Variants in XRN1 observed in about 807,000 individuals in gnomAD.
XRN1 encodes strand-exchange protein 1 homolog.
In XRN1, 67 loss-of-function variants were observed where a neutral mutation model predicts 222.3. The observed-to-expected ratio is 0.30, with a 90% CI of 0.25 to 0.37. The LOEUF (loss-of-function observed/expected upper bound fraction) is 0.37. XRN1 is among the 10% of genes least tolerant of loss of function. XRN1 has a pLI of 1.00. For missense variants in XRN1, 1,707 were observed against 2,000.2 expected (o/e 0.85, Z 2.80); for synonymous variants, 643 against 652.4 (o/e 0.99, Z 0.22).
At chr3:142,378,595 C>T (rs941515341) in intron 23 of XRN1, among the ~76,000 whole-genome samples, 55 of 151,782 alleles carry the variant, frequency 3.6e-4, no homozygotes, top group African/African-American at 1.3e-3. Context: ...AGAAGTATAA[C>T]AATATAGGAA....
chr3:142,326,814 G>C (rs1298975009), intron 37 of XRN1, among the ~76,000 whole-genome samples: 3 of 152,068 alleles, frequency 2.0e-5, no homozygotes, highest in African/African-American at 7.2e-5. Flanking sequence ...CCAGTTTGTT[G>C]AGAGCTGTTA....
At chr3:142,381,015 C>CA (rs10709053) in intron 22 of XRN1, among the ~76,000 whole-genome samples, 30 of 139,984 alleles carry the variant, frequency 2.1e-4, no homozygotes, top group South Asian at 6.8e-4. Context: ...CAAAAAGTTG[C>CA]AAAAAAAAAA....
At chr3:142,387,009 T>C (rs2067528931) in intron 20 of XRN1, among the ~76,000 whole-genome samples, 4 of 151,990 alleles carry the variant, frequency 2.6e-5, no homozygotes, top group Admixed American at 1.3e-4. Context: ...TGCATAGACA[T>C]ATACCCAAAA....
intron 2 of XRN1, among the ~76,000 whole-genome samples, chr3:142,431,947 TA>T (rs2069602878): frequency 1.3e-4 from 11 of 84,422 alleles, no homozygotes; most frequent in Admixed American, 3.7e-4. Context: ...ATATATTATA[TA>T]ATATATTATA....
chr3:142,443,703 A>G (rs537948696), intron 1 of XRN1, among the ~76,000 whole-genome samples: 1 of 152,260 alleles, frequency 6.6e-6, no homozygotes, highest in Non-Finnish European at 1.5e-5. Flanking sequence ...CTACCATATG[A>G]TCCCAGCAAC....
intron 20 of XRN1, among the ~76,000 whole-genome samples, chr3:142,394,426 A>G (rs1249863343): frequency 6.6e-6 from 1 of 152,170 alleles, no homozygotes; most frequent in Non-Finnish European, 1.5e-5. Flanking sequence ...ATTCTACCAC[A>G]TTTTCCTGAT....
chr3:142,359,960 A>T, intron 29 of XRN1, 29 bp from the exon 30 acceptor site: 1 of 1,492,762 alleles, frequency 6.7e-7, no homozygotes, highest in Non-Finnish European at 9.1e-7. Context: ...AAAAAGAGAC[A>T]CTAAAAAATC....
chr3:142,350,600 A>G (rs2066277035), intron 32 of XRN1, among the ~76,000 whole-genome samples: 1 of 152,130 alleles, frequency 6.6e-6, no homozygotes, highest in Non-Finnish European at 1.5e-5. Flanking sequence ...ACTGTAGAGG[A>G]GCCAGGATGG....
chr3:142,368,688 C>T (rs1336370210), intron 27 of XRN1, among the ~76,000 whole-genome samples: 1 of 152,138 alleles, frequency 6.6e-6, no homozygotes, highest in Non-Finnish European at 1.5e-5. Flanking sequence ...AAAAGAAATA[C>T]AGGCTTTCTA....
intron 24 of XRN1, 131 bp from the exon 25 acceptor site, chr3:142,376,075 T>C: frequency 1.5e-6 from 2 of 1,359,692 alleles, no homozygotes; most frequent in Non-Finnish European, 1.9e-6. Context: ...TTGATTATTC[T>C]TCTATATTTT....
At chr3:142,328,458 G>A (rs1363005294) in intron 37 of XRN1, among the ~76,000 whole-genome samples, 1 of 151,356 alleles carries the variant, frequency 6.6e-6, no homozygotes, top group East Asian at 1.9e-4. Context: ...AGTTCCTCTT[G>A]TTATTGATTT....
chr3:142,339,506 T>C (rs1206540844), intron 33 of XRN1, among the ~76,000 whole-genome samples: 1 of 152,152 alleles, frequency 6.6e-6, no homozygotes, highest in Non-Finnish European at 1.5e-5. Flanking sequence ...ATCTAACTCT[T>C]TAATCCCCAG....
intron 37 of XRN1, 151 bp from the exon 38 acceptor site, chr3:142,319,054 A>G (rs1442297478): frequency 1.6e-6 from 1 of 643,460 alleles, no homozygotes; most frequent in African/African-American, 1.8e-5. Flanking sequence ...AAAATTTTCG[A>G]GTTGTTGCCT....
At chr3:142,371,446 A>G (rs980224419) in intron 25 of XRN1, 118 bp from the exon 26 acceptor site, 53 of 707,710 alleles carry the variant, frequency 7.5e-5, no homozygotes, top group Non-Finnish European at 1.2e-4. Flanking sequence ...GACTACTATA[A>G]TATTAATAAG....
chr3:142,413,227 A>C (rs1403573922), intron 14 of XRN1, among the ~76,000 whole-genome samples: 1 of 152,244 alleles, frequency 6.6e-6, no homozygotes, highest in African/African-American at 2.4e-5. Flanking sequence ...AAGCATAAGG[A>C]AATAAGGCAG....
At chr3:142,319,999 C>T (rs780823490) in intron 37 of XRN1, among the ~76,000 whole-genome samples, 48 of 152,076 alleles carry the variant, frequency 3.2e-4, no homozygotes, top group Non-Finnish European at 6.2e-4. Context: ...AGGTTGATTC[C>T]CTATCTTTGC....
At chr3:142,422,804 A>C in intron 7 of XRN1, 31 bp downstream of exon 7, 1 of 1,601,516 alleles carries the variant, frequency 6.2e-7, no homozygotes, top group African/African-American at 1.3e-5. Context: ...TGCAATGGAA[A>C]TCCTTGGTCC....
At chr3:142,380,284 G>C (rs2067264761) in intron 22 of XRN1, 104 bp from the exon 23 acceptor site, 2 of 935,712 alleles carry the variant, frequency 2.1e-6, no homozygotes, top group African/African-American at 3.3e-5. Flanking sequence ...AAGTTGGATA[G>C]TGGAAATTCT....
intron 29 of XRN1, among the ~76,000 whole-genome samples, 197 bp from the exon 30 acceptor site, chr3:142,360,128 G>A (rs2066575156): frequency 6.6e-6 from 1 of 152,088 alleles, no homozygotes; most frequent in Non-Finnish European, 1.5e-5. Flanking sequence ...GTGCCTTAGA[G>A]GATCATTATT....
Sources: gnomAD v4.1 joint callset for allele counts (sites outside exome capture counted in the v4.1 genomes callset) on GRCh38, gnomAD v4.1.1 for gene constraint, MANE v1.5 for transcripts, NCBI Gene and HGNC (gene_info 2026-07-23, HGNC 2026-07-21) for gene names.